The following ARHGAP31 variants were observed in gnomAD, a reference collection of about 807,000 sequenced individuals.
ARHGAP31 encodes the protein rho GTPase-activating protein 31.
ARHGAP31 carries 34 observed loss-of-function variants against 113.9 expected under a neutral mutation model. That is an observed-to-expected ratio of 0.30 (90% CI 0.23 to 0.40). ARHGAP31 has a LOEUF of 0.40. Among genes scored for constraint, ARHGAP31 ranks in the 10% least tolerant of loss-of-function variants. The probability of loss-of-function intolerance (pLI) is 1.00; values close to 1 mark genes in which losing one functional copy is unlikely to be tolerated. For missense variants in ARHGAP31, 1,548 were observed against 1,767.1 expected (o/e 0.88, Z 2.22); for synonymous variants, 650 against 684.8 (o/e 0.95, Z 0.79).
chr3:119,377,563 C>T (rs545868820), intron 3 of ARHGAP31, among the ~76,000 whole-genome samples: 1 of 152,074 alleles, frequency 6.6e-6, no homozygotes, highest in Non-Finnish European at 1.5e-5. Flanking sequence ...TGGAGCAAGG[C>T]AGGTGGAAAT....
At chr3:119,398,347 G>T (rs2080569773) in intron 8 of ARHGAP31, among the ~76,000 whole-genome samples, 1 of 152,180 alleles carries the variant, frequency 6.6e-6, no homozygotes, top group African/African-American at 2.4e-5. Flanking sequence ...AAGCGGCAGA[G>T]CTGGAATTCA....
chr3:119,381,103 C>A, intron 4 of ARHGAP31, 117 bp downstream of exon 4: 1 of 1,028,122 alleles, frequency 9.7e-7, no homozygotes, highest in Non-Finnish European at 1.5e-6. Context: ...TAGGCTTTCC[C>A]AAGGGCATTT....
At position 119,395,006 on chromosome 3, in the gene ARHGAP31, A is replaced by C. The variant is rs1223435428; in HGVS notation, c.1006+1415A>C. Among the ~76,000 whole-genome samples the C allele has an allele frequency of 7.9e-5, 12 of 152,362 alleles. 1 individual carries two copies. The East Asian group carries it at 2.3e-3, about 29-fold the overall frequency. On this transcript the variant is annotated intron_variant, in intron 8 of 11. Coordinates refer to ENST00000264245, the MANE Select transcript of ARHGAP31 (RefSeq NM_020754.4). ...TAGCAAATTATAGGTAGGTAGATAA[A>C]TATCAATATAGAAATAGATAATGCA... is the stretch of plus-strand genomic sequence containing the variant.
chr3:119,319,933 T>TC (rs1218458807), intron 1 of ARHGAP31, among the ~76,000 whole-genome samples: 1 of 152,150 alleles, frequency 6.6e-6, no homozygotes. Context: ...GCAAGGGATC[T>TC]CCCCTGGCAG....
chr3:119,298,144 G>C (rs2079549545), intron 1 of ARHGAP31, among the ~76,000 whole-genome samples: 1 of 152,038 alleles, frequency 6.6e-6, no homozygotes, highest in Admixed American at 6.5e-5. Flanking sequence ...GCATGAAGTG[G>C]CTCCTGGCAG....
intron 1 of ARHGAP31, among the ~76,000 whole-genome samples, chr3:119,316,358 C>T (rs1209349379): frequency 6.6e-6 from 1 of 152,210 alleles, no homozygotes; most frequent in Non-Finnish European, 1.5e-5. Flanking sequence ...ATAACTTTCT[C>T]TAAACAGAAC....
intron 1 of ARHGAP31, among the ~76,000 whole-genome samples, chr3:119,313,330 T>C (rs888262519): frequency 3.3e-5 from 5 of 152,218 alleles, no homozygotes; most frequent in Non-Finnish European, 7.3e-5. Context: ...TTTTAAACCA[T>C]AATTTATTTC....
rs2080523980 is a variant in ARHGAP31 at position 119,393,741 on chromosome 3, T to C, written c.1006+150T>C. ...GAAGAGGAGTCTTTTTTCAAAACAT[T>C]TTAGACTTACCAAAAAAATTGCAAA... On this transcript the variant is annotated intron_variant, in intron 8 of 11. Coordinates refer to ENST00000264245, the MANE Select transcript of ARHGAP31 (RefSeq NM_020754.4). 1.5e-5 allele frequency: 18 copies of C among 1,180,210 alleles called. No homozygotes were observed. The Middle Eastern group carries it at 7.6e-4, about 50-fold the overall frequency. The allele number at this position is 1,180,210 out of a possible 1,614,324, so 73.1% of individuals were successfully genotyped here. A position where few individuals can be genotyped will look rare whatever the true frequency, so the allele number is the denominator to read the frequency against.
chr3:119,300,581 C>G (rs2079572437), intron 1 of ARHGAP31, among the ~76,000 whole-genome samples: 1 of 152,096 alleles, frequency 6.6e-6, no homozygotes. Flanking sequence ...ATAATTCCAG[C>G]ACTTTGGGAG....
intron 1 of ARHGAP31, among the ~76,000 whole-genome samples, chr3:119,295,594 TCC>T (rs1485706648): frequency 6.6e-6 from 1 of 151,628 alleles, no homozygotes; most frequent in Non-Finnish European, 1.5e-5. Flanking sequence ...CACAACCCCC[TCC>T]CCGCCCTGCA....
intron 1 of ARHGAP31, among the ~76,000 whole-genome samples, chr3:119,317,094 A>G (rs1423917228): frequency 3.9e-5 from 6 of 152,062 alleles, no homozygotes. Flanking sequence ...AGCCATGTGT[A>G]TTTTTGTTTG....
Position 119,365,332 on chromosome 3 carries a change from G to A in ARHGAP31, c.117G>A (p.Lys39=), listed in dbSNP as rs1240534035. 1.9e-6 allele frequency: 3 copies of A among 1,613,872 alleles called. No individual in the cohort carries two copies. The highest frequency in any genetic ancestry group is 2.2e-5 in the East Asian group (1 of 44,876). Residue 39 remains lysine, a synonymous_variant, in exon 2 of 12, where the codon AAG becomes AAA. Transcript: ENST00000264245. ...TTTACATAGTTCCATACGTTTTGAA[G>A]AGCTGTGCAGAATTTATAGAGACTC... ...SSGQDVPYVL[K]SCAEFIETHG...
intron 1 of ARHGAP31, among the ~76,000 whole-genome samples, chr3:119,300,831 A>C (rs2079575859): frequency 1.7e-5 from 2 of 116,272 alleles, no homozygotes; most frequent in Admixed American, 8.7e-5. Flanking sequence ...ACTCCATCTC[A>C]AAAAAAAAAA....
intron 1 of ARHGAP31, among the ~76,000 whole-genome samples, chr3:119,355,499 T>A (rs902888203): frequency 7.9e-5 from 12 of 151,870 alleles, no homozygotes; most frequent in East Asian, 5.8e-4. Flanking sequence ...TCTTTTTTTT[T>A]ATTATACTTT....
chr3:119,321,291 A>AG (rs2079782901), intron 1 of ARHGAP31, among the ~76,000 whole-genome samples: 1 of 147,170 alleles, frequency 6.8e-6, no homozygotes. Flanking sequence ...ATATATATAT[A>AG]TATAGTATAT....
chr3:119,416,965 T>C lies in ARHGAP31; in HGVS notation c.*701T>C, dbSNP rs1332608444. ...CTGAGACTGGCACAATCCAAGAAGA[T>C]TTCCTGGCTCTGGCTTTTAGTAATT... On this transcript the variant is annotated 3_prime_UTR_variant, in exon 12 of 12. Transcript: ENST00000264245. 1.3e-5 allele frequency: 2 copies of C among 154,954 alleles called. No homozygotes were observed. The highest frequency in any genetic ancestry group is 4.8e-5 in the African/African-American group (2 of 41,460). 9.6% of individuals were successfully genotyped at this position (154,954 alleles called of 1,614,324 possible).
chr3:119,295,114 C>A, intron 1 of ARHGAP31, 110 bp downstream of exon 1: 2 of 992,526 alleles, frequency 2.0e-6, no homozygotes, highest in East Asian at 2.4e-5. Flanking sequence ...GTATTCCAGG[C>A]CTGTGCGCTC....
rs774626312 is a variant in ARHGAP31 at position 119,383,142 on chromosome 3, G to A, written c.598G>A (p.Val200Ile). 26 of 1,614,102 alleles carry A rather than the reference G, an allele frequency of 1.6e-5. 1 individual carries two copies. In the Admixed American group the frequency reaches 2.0e-4, roughly 12 times the overall value. ...NGDAAFLAVRVQQVVIEFILN... is the reference protein window; with the variant it reads ...NGDAAFLAVRIQQVVIEFILN... ...AGATGCAGCCTTCCTTGCAGTCCGG[G>A]TCCAGCAGGTGGTGATTGAGTTCAT... Residue 200 changes from valine to isoleucine, a missense_variant, in exon 6 of 12, where the codon GTC becomes ATC. Transcript: ENST00000264245.
At chr3:119,345,054 G>A (rs2080044192) in intron 1 of ARHGAP31, among the ~76,000 whole-genome samples, 2 of 150,616 alleles carry the variant, frequency 1.3e-5, no homozygotes, top group Non-Finnish European at 2.9e-5. Flanking sequence ...GCACAATCTC[G>A]GCTCACTACA....
Sources: allele counts gnomAD v4.1 joint callset (sites outside exome capture counted in the v4.1 genomes callset), GRCh38; gene constraint gnomAD v4.1.1; transcripts MANE v1.5; gene names NCBI Gene and HGNC (gene_info 2026-07-23, HGNC 2026-07-21).